GOLPH3L: variants seen among roughly 807,000 people sequenced by gnomAD.
GOLPH3L encodes the protein golgi phosphoprotein 3 like.
In GOLPH3L, 22 loss-of-function variants were observed where a neutral mutation model predicts 30.3. That is an observed-to-expected ratio of 0.73 (90% CI 0.52 to 1.04). The LOEUF is 1.04. Among genes scored for constraint, GOLPH3L ranks in the 50% least tolerant of loss-of-function variants. The probability of loss-of-function intolerance (pLI) is 0.00; values close to 1 mark genes in which losing one functional copy is unlikely to be tolerated. For missense variants in GOLPH3L, 303 were observed against 345.8 expected, an observed-to-expected ratio of 0.88 and a Z score of 0.98; for synonymous variants, 120 against 128.2, an observed-to-expected ratio of 0.94 and a Z score of 0.43.
intron 2 of GOLPH3L, among the ~76,000 whole-genome samples, chr1:150,686,058 A>G (rs1651080017): frequency 6.6e-6 from 1 of 152,054 alleles, no homozygotes; most frequent in South Asian, 2.1e-4. Context: ...TATTTTTAGT[A>G]AAGATGGGGT....
rs1650025170 is a variant in GOLPH3L at position 150,648,172 on chromosome 1, A to G, written c.*149T>C. 2 of 605,002 alleles carry G rather than the reference A, an allele frequency of 3.3e-6. No homozygotes were observed. Among genetic ancestry groups the G allele is most frequent in the East Asian group, 5.5e-5 (2 of 36,372 alleles). 37.5% of individuals were successfully genotyped at this position (605,002 alleles called of 1,614,324 possible). A position where few individuals can be genotyped will look rare whatever the true frequency, so the allele number is the denominator to read the frequency against. On this transcript the variant is annotated 3_prime_UTR_variant, in exon 5 of 5. Coordinates refer to ENST00000271732, the MANE Select transcript of GOLPH3L (RefSeq NM_018178.6). ...CTTATAATGGTCAAGGTCTATGGAG[A>G]AGCCCTGAAGTTGCTCTCCCCAAAT...
chr1:150,662,069 G>A, intron 3 of GOLPH3L, 141 bp from the exon 4 acceptor site: 2 of 600,636 alleles, frequency 3.3e-6, no homozygotes, highest in Non-Finnish European at 6.0e-6. Flanking sequence ...TCCTCAAGAA[G>A]TTTAAAATAT....
chr1:150,663,351 T>G (rs1195596849), intron 3 of GOLPH3L, among the ~76,000 whole-genome samples: 2 of 152,162 alleles, frequency 1.3e-5, no homozygotes, highest in Non-Finnish European at 2.9e-5. Context: ...TTTCATAATG[T>G]TATAGCTATA....
intron 3 of GOLPH3L, among the ~76,000 whole-genome samples, chr1:150,663,067 C>T (rs1650406551): frequency 6.6e-6 from 1 of 151,666 alleles, no homozygotes. Context: ...CGGAGTCTTG[C>T]ACTGTCCCCC....
At chr1:150,679,969 AG>A (rs1438168348) in intron 2 of GOLPH3L, among the ~76,000 whole-genome samples, 1 of 152,188 alleles carries the variant, frequency 6.6e-6, no homozygotes, top group African/African-American at 2.4e-5. Flanking sequence ...AATAAAAAAA[AG>A]AATAAAATGA....
At position 150,647,738 on chromosome 1, in the gene GOLPH3L, G is replaced by A. The variant is rs1246867004; in HGVS notation, c.*583C>T. ...CTTTGACATCCAGGTAATTGAATCTGGGACATTCTCATTAGGTTAGAAAAG... is the reference window on the plus strand; with the variant it reads ...CTTTGACATCCAGGTAATTGAATCTAGGACATTCTCATTAGGTTAGAAAAG... On this transcript the variant is annotated 3_prime_UTR_variant, in exon 5 of 5. Transcript: ENST00000271732. The A allele has an allele frequency of 6.6e-6, 1 of 152,640 alleles. No individual in the cohort carries two copies. Among genetic ancestry groups the A allele is most frequent in the African/African-American group, 2.4e-5 (1 of 41,436 alleles). 9.5% of individuals were successfully genotyped at this position (152,640 alleles called of 1,614,324 possible).
At chr1:150,686,652 A>G (rs1285555255) in intron 2 of GOLPH3L, among the ~76,000 whole-genome samples, 1 of 152,256 alleles carries the variant, frequency 6.6e-6, no homozygotes, top group Admixed American at 6.5e-5. Flanking sequence ...CAAACAAAAT[A>G]TGGAGGCAAA....
chr1:150,696,813 T>G (rs1457629805), intron 1 of GOLPH3L, among the ~76,000 whole-genome samples, 179 bp downstream of exon 1: 1 of 151,612 alleles, frequency 6.6e-6, no homozygotes, highest in Non-Finnish European at 1.5e-5. Flanking sequence ...GAGGGGGCGG[T>G]TTCTTTGAGA....
intron 3 of GOLPH3L, among the ~76,000 whole-genome samples, chr1:150,662,959 T>A (rs1288571503): frequency 6.6e-6 from 1 of 152,092 alleles, no homozygotes; most frequent in Non-Finnish European, 1.5e-5. Context: ...AACAGAATAT[T>A]ATTGGAGAAT....
intron 1 of GOLPH3L, among the ~76,000 whole-genome samples, chr1:150,696,599 T>A (rs973771454): frequency 6.6e-6 from 1 of 152,012 alleles, no homozygotes; most frequent in East Asian, 1.9e-4. Flanking sequence ...GAAATACAAA[T>A]GAAGTGAGCT....
At chr1:150,662,491 C>A (rs1286798504) in intron 3 of GOLPH3L, among the ~76,000 whole-genome samples, 3 of 152,024 alleles carry the variant, frequency 2.0e-5, no homozygotes, top group African/African-American at 7.3e-5. Flanking sequence ...TATGGGATAG[C>A]CAAGTTGAAA....
intron 4 of GOLPH3L, among the ~76,000 whole-genome samples, chr1:150,649,726 A>G (rs1235608381): frequency 1.3e-5 from 2 of 152,162 alleles, no homozygotes; most frequent in Non-Finnish European, 2.9e-5. Context: ...TCTATCAAAA[A>G]AGGGTGGATG....
chr1:150,654,242 C>T (rs587660639), intron 4 of GOLPH3L, among the ~76,000 whole-genome samples: 1 of 151,822 alleles, frequency 6.6e-6, no homozygotes, highest in African/African-American at 2.4e-5. Context: ...CATGGTGGCT[C>T]ATTCCTGTAA....
chr1:150,673,192 CAT>C (rs1650683414), intron 2 of GOLPH3L, among the ~76,000 whole-genome samples: 1 of 151,976 alleles, frequency 6.6e-6, no homozygotes, highest in South Asian at 2.1e-4. Context: ...ATTTTTTAGA[CAT>C]AGTCTCCCTC....
chr1:150,686,394 T>C (rs1165957880), intron 2 of GOLPH3L, among the ~76,000 whole-genome samples: 3 of 152,006 alleles, frequency 2.0e-5, no homozygotes, highest in African/African-American at 7.3e-5. Context: ...TTGTAGAGAT[T>C]GGGTCTCATT....
At chr1:150,675,173 C>T (rs1650743849) in intron 2 of GOLPH3L, among the ~76,000 whole-genome samples, 1 of 152,112 alleles carries the variant, frequency 6.6e-6, no homozygotes, top group South Asian at 2.1e-4. Flanking sequence ...AGCCACCTGG[C>T]CTGGCTTCCA....
chr1:150,651,776 C>T (rs587730911), intron 4 of GOLPH3L, among the ~76,000 whole-genome samples: 1 of 144,722 alleles, frequency 6.9e-6, no homozygotes, highest in South Asian at 2.2e-4. Context: ...ATATGAAGAA[C>T]AAGGAGAAAA....
intron 2 of GOLPH3L, among the ~76,000 whole-genome samples, chr1:150,663,999 T>C (rs1433110384): frequency 7.5e-6 from 1 of 133,120 alleles, no homozygotes; most frequent in African/African-American, 2.6e-5. Flanking sequence ...CAATAAATGA[T>C]GTGCAATTTT....
chr1:150,659,487 G>A (rs759446039), intron 4 of GOLPH3L, among the ~76,000 whole-genome samples: 23 of 152,272 alleles, frequency 1.5e-4, no homozygotes, highest in East Asian at 5.8e-4. Flanking sequence ...GCCAGAGCCC[G>A]TCCCTTTATT....
Sources: gnomAD v4.1 joint callset for allele counts (sites outside exome capture counted in the v4.1 genomes callset) on GRCh38, gnomAD v4.1.1 for gene constraint, MANE v1.5 for transcripts, NCBI Gene and HGNC (gene_info 2026-07-23, HGNC 2026-07-21) for gene names.